Variants in AKAP13 observed in about 807,000 individuals in gnomAD.
AKAP13 encodes the protein A-kinase anchor protein 13.
AKAP13 carries 80 observed loss-of-function variants against 264.5 expected under a neutral mutation model. The ratio of observed to expected loss-of-function variants is 0.30; its 90% CI spans 0.25 to 0.36. The LOEUF (loss-of-function observed/expected upper bound fraction) is 0.36, where lower values mean the gene tolerates loss of function less well. Among genes scored for constraint, AKAP13 ranks in the 10% least tolerant of loss-of-function variants. The probability of loss-of-function intolerance (pLI) is 1.00; values close to 1 mark genes in which losing one functional copy is unlikely to be tolerated. For synonymous variants in AKAP13, 1,380 were observed against 1,250.2 expected (o/e 1.10, Z -2.19); for missense variants, 3,712 against 3,435.2 (o/e 1.08, Z -2.01).
rs145944791 is a variant in AKAP13, at chr15:85,599,410, C to G, written c.4161+13587C>G. ...GAATTTGTCATTGGCACATCCCACC[C>G]GTCATAGCCCCACAGGTTTCTTTGT... On this transcript the variant is annotated intron_variant, in intron 8 of 36. Coordinates refer to ENST00000394518, the MANE Select transcript of AKAP13 (RefSeq NM_007200.5). 3.9e-5 allele frequency among the ~76,000 whole-genome samples: 6 copies of G among 152,310 alleles called. No homozygotes were observed. The South Asian group carries it at 1.0e-3, about 26-fold the overall frequency.
intron 1 of AKAP13, among the ~76,000 whole-genome samples, chr15:85,415,021 T>C (rs1165279658): frequency 6.6e-6 from 1 of 152,192 alleles, no homozygotes; most frequent in Non-Finnish European, 1.5e-5. Context: ...TTGGGTTTTC[T>C]ATGTTGGAGT....
At chr15:85,637,563 C>A (rs761097660) in intron 8 of AKAP13, among the ~76,000 whole-genome samples, 9 of 151,954 alleles carry the variant, frequency 5.9e-5, no homozygotes, top group Non-Finnish European at 1.3e-4. Context: ...ATATTATTGA[C>A]CCTTTTAAGG....
At chr15:85,478,578 C>A (rs1408964746) in intron 1 of AKAP13, among the ~76,000 whole-genome samples, 1 of 151,986 alleles carries the variant, frequency 6.6e-6, no homozygotes, top group African/African-American at 2.4e-5. Context: ...AATGAGTGAA[C>A]GTGGGTGTTA....
At chr15:85,620,219 T>G in intron 8 of AKAP13, 1 of 1,526,924 alleles carries the variant, frequency 6.5e-7, no homozygotes. Flanking sequence ...GCAGGCTGTT[T>G]TAGCGCTTTG....
At chr15:85,407,126 A>T (rs1471066397) in intron 1 of AKAP13, among the ~76,000 whole-genome samples, 1 of 151,690 alleles carries the variant, frequency 6.6e-6, no homozygotes, top group Non-Finnish European at 1.5e-5. Context: ...ATAGTGAGAG[A>T]TATGGAAATT....
intron 8 of AKAP13, chr15:85,619,807 T>G (rs2081094488): frequency 8.3e-7 from 1 of 1,205,220 alleles, no homozygotes; most frequent in Non-Finnish European, 1.0e-6. Context: ...AAGTATAGCA[T>G]TAGGTGGTAT....
rs756989149 is a variant in AKAP13 at position 85,743,482 on chromosome 15, A to T, written c.8059-10A>T. 5.5e-5 allele frequency: 88 copies of T among 1,609,280 alleles called. No homozygotes were observed. The highest frequency in any genetic ancestry group is 7.2e-5 in the Non-Finnish European group (85 of 1,176,822). ...CTCCAAGTGAAAACCCTTCTCTTGA[A>T]TATGTACAGGTTTCCCATCCACATA... is the stretch of plus-strand genomic sequence containing the variant. On this transcript the variant is annotated splice_polypyrimidine_tract_variant and intron_variant, in intron 35 of 36. Transcript: ENST00000394518.
At chr15:85,578,330 C>T (rs1000992354) in intron 6 of AKAP13, among the ~76,000 whole-genome samples, 1 of 152,114 alleles carries the variant, frequency 6.6e-6, no homozygotes, top group Non-Finnish European at 1.5e-5. Flanking sequence ...TTTTAAAAAT[C>T]AGGTTTTTGA....
chr15:85,610,216 C>T (rs2080542266), intron 8 of AKAP13, among the ~76,000 whole-genome samples: 1 of 152,194 alleles, frequency 6.6e-6, no homozygotes, highest in South Asian at 2.1e-4. Flanking sequence ...CCTTTTACCT[C>T]ATTGCCTTTG....
intron 17 of AKAP13, among the ~76,000 whole-genome samples, chr15:85,703,703 C>T (rs1188301010): frequency 6.6e-6 from 1 of 151,884 alleles, no homozygotes; most frequent in Non-Finnish European, 1.5e-5. Flanking sequence ...ATTAGTCAGG[C>T]GTAGTGGCAT....
chr15:85,682,211 A>C lies in AKAP13; in HGVS notation c.5155A>C (p.Ser1719Arg). Reference protein sequence around the residue: ...FHNTSANLTESITEENYNFLP... With the variant: ...FHNTSANLTERITEENYNFLP... ...CAATACCAGTGCTAATCTGACTGAGAGGTACTATAAATTTGTTACTCCTTT... is the reference window on the plus strand; with the variant it reads ...CAATACCAGTGCTAATCTGACTGAGCGGTACTATAAATTTGTTACTCCTTT... The change falls in exon 15 of 37, where the codon AGT becomes CGT. Residue 1719 changes from serine to arginine, a missense_variant and splice_region_variant. Physicochemically the swap from Ser to Arg is moderately radical, Grantham distance 110 (BLOSUM62 -1). Coordinates refer to ENST00000394518, the MANE Select transcript of AKAP13 (RefSeq NM_007200.5). 5 of 1,612,874 alleles carry C rather than the reference A, an allele frequency of 3.1e-6. No homozygotes were observed. Among genetic ancestry groups the C allele is most frequent in the Non-Finnish European group, 4.2e-6 (5 of 1,179,652 alleles).
chr15:85,590,889 G>A (rs1450733293), intron 8 of AKAP13, among the ~76,000 whole-genome samples: 1 of 152,106 alleles, frequency 6.6e-6, no homozygotes, highest in Non-Finnish European at 1.5e-5. Flanking sequence ...AATAAGTACA[G>A]CTTAGTATTA....
chr15:85,748,553 G>A lies in AKAP13; in HGVS notation c.*3876G>A, dbSNP rs1223717825. ...CTTGGTTTTGAACTTTCCTTTCAAT[G>A]TAGCAAAGCATTCCTAGTTAACCAG... On this transcript the variant is annotated 3_prime_UTR_variant, in exon 37 of 37. Coordinates refer to ENST00000394518, the MANE Select transcript of AKAP13 (RefSeq NM_007200.5). 6.6e-6 allele frequency: 1 copy of A among 151,158 alleles called. No homozygotes were observed. Among genetic ancestry groups the A allele is most frequent in the East Asian group, 1.9e-4 (1 of 5,192 alleles). The allele number at this position is 151,158 out of a possible 1,614,324, so 9.4% of individuals were successfully genotyped here.
intron 1 of AKAP13, among the ~76,000 whole-genome samples, chr15:85,434,897 T>A (rs1325491024): frequency 6.7e-6 from 1 of 149,976 alleles, no homozygotes; most frequent in Admixed American, 6.6e-5. Flanking sequence ...AACTGGAAAC[T>A]CTAAAATGCA....
At chr15:85,520,784 G>A (rs1438444212) in intron 2 of AKAP13, 8 of 503,100 alleles carry the variant, frequency 1.6e-5, no homozygotes, top group East Asian at 1.1e-4. Context: ...ATGGGGATAC[G>A]TTCTGAGAAA....
intron 5 of AKAP13, among the ~76,000 whole-genome samples, chr15:85,559,277 C>T (rs908310037): frequency 1.3e-5 from 2 of 152,100 alleles, no homozygotes; most frequent in African/African-American, 4.8e-5. Flanking sequence ...CAAGTTCTGA[C>T]ATAGATCAAC....
intron 4 of AKAP13, among the ~76,000 whole-genome samples, chr15:85,540,377 C>G (rs147748221): frequency 3.2e-4 from 49 of 152,274 alleles, no homozygotes; most frequent in Non-Finnish European, 6.2e-4. Flanking sequence ...ATTAGATCAA[C>G]TGGTTAGGGG....
intron 1 of AKAP13, among the ~76,000 whole-genome samples, chr15:85,394,677 A>T (rs2071029296): frequency 6.6e-6 from 1 of 152,268 alleles, no homozygotes; most frequent in East Asian, 1.9e-4. Flanking sequence ...TGTAGTTGGA[A>T]GGAGACAGTA....
intron 12 of AKAP13, chr15:85,662,442 T>C (rs550393134): frequency 9.9e-6 from 16 of 1,614,054 alleles, no homozygotes; most frequent in Non-Finnish European, 1.3e-5. Context: ...GTGCTGACTT[T>C]AATTACAGAA....
Sources: gnomAD v4.1 joint callset for allele counts (sites outside exome capture counted in the v4.1 genomes callset) on GRCh38, gnomAD v4.1.1 for gene constraint, MANE v1.5 for transcripts, NCBI Gene and HGNC (gene_info 2026-07-23, HGNC 2026-07-21) for gene names.